The following PLAG1 variants were observed in gnomAD, a reference collection of about 807,000 sequenced individuals.
The protein encoded by PLAG1 is zinc finger protein PLAG1.
PLAG1 carries 7 observed loss-of-function variants against 35.5 expected under a neutral mutation model. The observed-to-expected ratio is 0.20, with a 90% CI of 0.11 to 0.37. The LOEUF is 0.37. Among genes scored for constraint, PLAG1 ranks in the 10% least tolerant of loss-of-function variants. The pLI is 1.00. For missense variants in PLAG1, 454 were observed against 602.8 expected, an observed-to-expected ratio of 0.75 and a Z score of 2.58; for synonymous variants, 229 against 225.4, an observed-to-expected ratio of 1.02 and a Z score of -0.14.
At chr8:56,201,398 T>A (rs533393094) in intron 1 of PLAG1, among the ~76,000 whole-genome samples, 10 of 152,348 alleles carry the variant, frequency 6.6e-5, no homozygotes, top group African/African-American at 2.2e-4. Flanking sequence ...ATCCTTATTA[T>A]GAGACAAAGT....
intron 1 of PLAG1, among the ~76,000 whole-genome samples, chr8:56,186,213 GTAGGTGCC>G (rs1432614069): frequency 6.6e-6 from 1 of 152,166 alleles, no homozygotes; most frequent in Non-Finnish European, 1.5e-5. Context: ...TATCTTAAGT[GTAGGTGCC>G]TATACAACTT....
At chr8:56,210,195 A>G (rs2129237230) in intron 1 of PLAG1, among the ~76,000 whole-genome samples, 1 of 152,322 alleles carries the variant, frequency 6.6e-6, no homozygotes, top group East Asian at 1.9e-4. Context: ...CAAAGTCAAA[A>G]TGGACTTCAG....
In PLAG1 at chr8:56,171,169, A is replaced by G. The variant is rs1039089337; in HGVS notation, c.-196T>C. The G allele has an allele frequency of 1.0e-6, 1 of 976,736 alleles. No homozygotes were observed. The highest frequency in any genetic ancestry group is 1.2e-6 in the Non-Finnish European group (1 of 821,750). The allele number at this position is 976,736 out of a possible 1,614,324, so 60.5% of individuals were successfully genotyped here. A position where few individuals can be genotyped will look rare whatever the true frequency, so the allele number is the denominator to read the frequency against. On this transcript the variant is annotated 5_prime_UTR_variant, in exon 3 of 5. Transcript: ENST00000316981. Reference sequence around the variant, plus strand: ...TCTTCGTGGAAGAGAGTGGAATCCAATCCTTCCCATTTTGGCCAATCTATG... The same window carrying G: ...TCTTCGTGGAAGAGAGTGGAATCCAGTCCTTCCCATTTTGGCCAATCTATG...
At chr8:56,198,956 A>G (rs1195629541) in intron 1 of PLAG1, among the ~76,000 whole-genome samples, 2 of 152,216 alleles carry the variant, frequency 1.3e-5, no homozygotes, top group African/African-American at 4.8e-5. Context: ...AATAAGATAT[A>G]AAAGGAAAGG....
intron 1 of PLAG1, among the ~76,000 whole-genome samples, chr8:56,182,812 A>G (rs1368250164): frequency 4.6e-5 from 7 of 152,194 alleles, no homozygotes; most frequent in Admixed American, 4.6e-4. Flanking sequence ...GGCGGGGAAG[A>G]AAGTGGGGCA....
Position 56,167,463 on chromosome 8 carries a change from T to A in PLAG1, c.283A>T (p.Asn95Tyr). ...CGGTGAAACATTTTCTCACAATAAT[T>A]ACACTTGTGGGTTTTCTCAGGAGAA... Reference protein sequence around the residue: ...THSPEKTHKCNYCEKMFHRKD... With the variant: ...THSPEKTHKCYYCEKMFHRKD... The change falls in exon 5 of 5, where the codon AAT (asparagine) becomes TAT (tyrosine). Residue 95 changes from asparagine to tyrosine, a missense_variant. Asn to Tyr is a moderately radical substitution (Grantham distance 143). Transcript: ENST00000316981. The surrounding 1 kb of genome is among the most constrained non-coding windows in gnomAD (Gnocchi z 5.9). 6.2e-7 allele frequency: 1 copy of A among 1,611,834 alleles called. No homozygotes were observed.
intron 1 of PLAG1, among the ~76,000 whole-genome samples, chr8:56,182,597 C>T (rs757162265): frequency 2.4e-4 from 25 of 105,412 alleles, no homozygotes; most frequent in African/African-American, 7.8e-4. Context: ...TTGGGTGGGG[C>T]GGGAGGGAGT....
At chr8:56,206,705 T>C (rs1197266535) in intron 1 of PLAG1, among the ~76,000 whole-genome samples, 1 of 152,028 alleles carries the variant, frequency 6.6e-6, no homozygotes, top group East Asian at 1.9e-4. Context: ...ATATGCTACC[T>C]ATATTAATTC....
In PLAG1 at chr8:56,164,168, T is replaced by A. The variant is rs1362402480; in HGVS notation, c.*2075A>T. The A allele has an allele frequency of 1.1e-5, 2 of 188,218 alleles. No homozygotes were observed. The highest frequency in any genetic ancestry group is 1.7e-4 in the East Asian group (2 of 11,756). 11.7% of individuals were successfully genotyped at this position (188,218 alleles called of 1,614,324 possible). A position where few individuals can be genotyped will look rare whatever the true frequency, so the allele number is the denominator to read the frequency against. On this transcript the variant is annotated 3_prime_UTR_variant, in exon 5 of 5. Transcript: ENST00000316981. The stretch of plus-strand genomic sequence containing the variant: ...TTAATGCCTTTGGAACACACTTTTT[T>A]AATAAATGTAATTTTTCATAATAAA...
At chr8:56,196,955 T>TGTGC (rs1181665377) in intron 1 of PLAG1, among the ~76,000 whole-genome samples, 1 of 109,238 alleles carries the variant, frequency 9.2e-6, no homozygotes, top group African/African-American at 2.8e-5. Flanking sequence ...AGTGTGCGTG[T>TGTGC]GTGTGTGTGT....
At chr8:56,181,101 G>A (rs1387775081) in intron 1 of PLAG1, among the ~76,000 whole-genome samples, 1 of 152,176 alleles carries the variant, frequency 6.6e-6, no homozygotes, top group African/African-American at 2.4e-5. Flanking sequence ...AAATAGGAAT[G>A]CTTTTACACT....
In PLAG1 at chr8:56,166,607, G is replaced by C. The variant is rs766840293; in HGVS notation, c.1139C>G (p.Ser380Cys). Residue 380 changes from serine (S) to cysteine (C), a missense_variant, in exon 5 of 5, where the codon TCT becomes TGT. Around this residue, in one of 4 missense-constraint regions of PLAG1, gnomAD observed 271 missense variants for 315.6 expected, o/e 0.86. Coordinates refer to ENST00000316981, the MANE Select transcript of PLAG1 (RefSeq NM_002655.3). ...SSQDSQASSS[S>C]KLGLDPQIGS... is the part of the protein sequence containing the mutation. Reference sequence around the variant, plus strand: ...AATCTGAGGATCCAACCCTAGCTTAGATGATGACGATGCTTGAGAATCTTG... The same window carrying C: ...AATCTGAGGATCCAACCCTAGCTTACATGATGACGATGCTTGAGAATCTTG... 24 of 1,613,966 alleles carry C rather than the reference G, an allele frequency of 1.5e-5. No individual in the cohort carries two copies. The highest frequency in any genetic ancestry group is 1.9e-5 in the Non-Finnish European group (22 of 1,179,976).
At chr8:56,174,761 T>G (rs1811638024) in intron 2 of PLAG1, among the ~76,000 whole-genome samples, 1 of 152,208 alleles carries the variant, frequency 6.6e-6, no homozygotes, top group South Asian at 2.1e-4. Flanking sequence ...TTGAAAATAT[T>G]TTTTAAAAAC....
chr8:56,166,234 C>G lies in PLAG1; in HGVS notation c.*9G>C. 1.3e-6 allele frequency: 2 copies of G among 1,560,514 alleles called. No homozygotes were observed. Among genetic ancestry groups the G allele is most frequent in the African/African-American group, 1.4e-5 (1 of 73,038 alleles). On this transcript the variant is annotated 3_prime_UTR_variant, in exon 5 of 5. Coordinates refer to ENST00000316981, the MANE Select transcript of PLAG1 (RefSeq NM_002655.3). ...ATACATTTCTGTAATGAATCCATGT[C>G]CCAGAATCCTACTGAAAAGCTTGAT...
chr8:56,185,686 A>C (rs533011798), intron 1 of PLAG1, among the ~76,000 whole-genome samples: 1 of 152,336 alleles, frequency 6.6e-6, no homozygotes, highest in Admixed American at 6.5e-5. Flanking sequence ...GGAGGAAGCC[A>C]GTTCGGTTCA....
intron 2 of PLAG1, among the ~76,000 whole-genome samples, chr8:56,179,023 CAAAAAAAAAAAA>C (rs1173709224): frequency 4.7e-5 from 2 of 42,944 alleles, no homozygotes; most frequent in East Asian, 7.9e-4. Context: ...GCCCAGGAGA[CAAAAAAAAAAAA>C]AAAAAAAAAA....
At chr8:56,207,590 ATTC>A (rs1367040950) in intron 1 of PLAG1, among the ~76,000 whole-genome samples, 1 of 152,088 alleles carries the variant, frequency 6.6e-6, no homozygotes. Flanking sequence ...CAGCAGATAA[ATTC>A]TTTATAGAAT....
chr8:56,197,013 G>A (rs577340996), intron 1 of PLAG1, among the ~76,000 whole-genome samples: 1 of 151,276 alleles, frequency 6.6e-6, no homozygotes, highest in East Asian at 1.9e-4. Context: ...CCAGGGCTGT[G>A]TATGTTTGTG....
In PLAG1 at chr8:56,166,616, G is replaced by C. The variant is rs1484308392; in HGVS notation, c.1130C>G (p.Ser377Trp). The C allele has an allele frequency of 3.7e-6, 6 of 1,613,954 alleles. No homozygotes were observed. The highest frequency in any genetic ancestry group is 5.1e-6 in the Non-Finnish European group (6 of 1,179,984). ...VPSSSQDSQA[S>W]SSSKLGLDPQ... is the part of the protein sequence containing the mutation. ...ATCCAACCCTAGCTTAGATGATGAC[G>C]ATGCTTGAGAATCTTGGGATGAAGA... Residue 377 changes from serine to tryptophan, a missense_variant, in exon 5 of 5, where the codon TCG becomes TGG. Ser to Trp is a radical substitution (Grantham distance 177). This residue lies in a region of PLAG1 where 271 missense variants were observed against 315.6 expected (regional missense o/e 0.86). Transcript: ENST00000316981.
Sources: allele counts gnomAD v4.1 joint callset (sites outside exome capture counted in the v4.1 genomes callset), GRCh38; gene constraint gnomAD v4.1.1; regional missense constraint gnomAD v4.1.1; non-coding constraint Gnocchi (gnomAD v3.1); transcripts MANE v1.5; gene names NCBI Gene and HGNC (gene_info 2026-07-23, HGNC 2026-07-21).